HSD17B4: variants seen among roughly 807,000 people sequenced by gnomAD.
The protein encoded by HSD17B4 is peroxisomal multifunctional enzyme type 2.
In HSD17B4, 70 loss-of-function variants were observed where a neutral mutation model predicts 101.0. The observed-to-expected ratio is 0.69, with a 90% CI of 0.57 to 0.85. The LOEUF is 0.85. Among genes scored for constraint, HSD17B4 ranks in the 40% least tolerant of loss-of-function variants. The pLI, the probability that HSD17B4 is intolerant of heterozygous loss-of-function variation, is 0.00. For missense variants in HSD17B4, 984 were observed against 892.4 expected (o/e 1.10, Z -1.31); for synonymous variants, 347 against 297.1 (o/e 1.17, Z -1.73).
intron 17 of HSD17B4, among the ~76,000 whole-genome samples, chr5:119,520,907 C>G (rs1051269549): frequency 1.8e-4 from 28 of 152,110 alleles, no homozygotes; most frequent in African/African-American, 6.8e-4. Flanking sequence ...ACTTTTTCCC[C>G]TCTTATTGTT....
intron 12 of HSD17B4, among the ~76,000 whole-genome samples, chr5:119,497,992 G>C (rs1750803983): frequency 6.6e-6 from 1 of 152,028 alleles, no homozygotes; most frequent in Non-Finnish European, 1.5e-5. Flanking sequence ...TTGTATTTTA[G>C]AACTATTTCA....
chr5:119,458,095 A>G (rs1255820114), intron 2 of HSD17B4, among the ~76,000 whole-genome samples: 2 of 152,234 alleles, frequency 1.3e-5, no homozygotes, highest in Non-Finnish European at 2.9e-5. Context: ...TTGTCATTGC[A>G]TTATTATAGT....
intron 2 of HSD17B4, among the ~76,000 whole-genome samples, chr5:119,466,265 T>A (rs1561433546): frequency 6.6e-6 from 1 of 152,210 alleles, no homozygotes; most frequent in South Asian, 2.1e-4. Flanking sequence ...CAGTTTTCTT[T>A]TTTTTGTTGT....
intron 17 of HSD17B4, among the ~76,000 whole-genome samples, chr5:119,518,397 T>C (rs9327103): frequency 0.18 from 27,838 of 151,974 alleles, 3,909 homozygotes; most frequent in East Asian, 0.42. Context: ...TAACACTCAC[T>C]GTGAGGGTCC....
intron 23 of HSD17B4, among the ~76,000 whole-genome samples, chr5:119,539,912 C>G (rs532690908): frequency 1.9e-5 from 2 of 105,982 alleles, no homozygotes; most frequent in South Asian, 6.5e-4. Context: ...CAGTGAGACC[C>G]TGTCTCTACC....
chr5:119,498,726 A>G (rs751703957), intron 12 of HSD17B4, among the ~76,000 whole-genome samples: 48 of 152,168 alleles, frequency 3.2e-4, no homozygotes, highest in Non-Finnish European at 6.5e-4. Flanking sequence ...AAATATAAAA[A>G]AAAATTAGCC....
intron 8 of HSD17B4, among the ~76,000 whole-genome samples, chr5:119,487,826 A>T (rs1437410603): frequency 1.3e-5 from 2 of 152,144 alleles, no homozygotes; most frequent in African/African-American, 4.8e-5. Flanking sequence ...TATTGAGATG[A>T]ATGGATATTT....
In HSD17B4 at chr5:119,493,885, C is replaced by G. The variant is rs1750349863; in HGVS notation, c.807C>G (p.Val269=). The G allele has an allele frequency of 4.3e-6, 7 of 1,613,192 alleles. No individual in the cohort carries two copies. The highest frequency in any genetic ancestry group is 5.9e-6 in the Non-Finnish European group (7 of 1,179,388). ...QKNHPMTPEA[V]KANWKKICDF... The stretch of plus-strand genomic sequence containing the variant: ...ATCACCCAATGACTCCTGAGGCAGT[C>G]AAGGCTAACTGGAAGAAGATCTGTG... Residue 269 remains valine (V), a synonymous_variant, in exon 11 of 24, where the codon GTC becomes GTG. Transcript: ENST00000510025.
chr5:119,507,363 T>G (rs1751750176), intron 15 of HSD17B4, among the ~76,000 whole-genome samples: 1 of 152,238 alleles, frequency 6.6e-6, no homozygotes, highest in Non-Finnish European at 1.5e-5. Context: ...TTTCTAGACT[T>G]GAACTTATGA....
At chr5:119,480,535 A>G (rs1749023898) in intron 8 of HSD17B4, among the ~76,000 whole-genome samples, 1 of 152,212 alleles carries the variant, frequency 6.6e-6, no homozygotes, top group African/African-American at 2.4e-5. Flanking sequence ...AGTACTTAAC[A>G]GGGTAATAGA....
chr5:119,504,447 T>G (rs1007342648), intron 14 of HSD17B4, among the ~76,000 whole-genome samples: 2 of 152,090 alleles, frequency 1.3e-5, no homozygotes, highest in African/African-American at 4.8e-5. Flanking sequence ...GCATCTGTTA[T>G]TTTTTTGACT....
chr5:119,478,862 A>T lies in HSD17B4; in HGVS notation c.463A>T (p.Ile155Leu). ...RIIMTSSASG[I>L]YGNFGQANYS... ...TATTATGACTTCATCAGCTTCAGGA[A>T]TATATGGCAACTTTGGCCAGGCCAA... Residue 155 changes from isoleucine to leucine, a missense_variant, in exon 8 of 24, where the codon ATA (isoleucine) becomes TTA (leucine). Ile to Leu is a conservative substitution (Grantham distance 5). Transcript: ENST00000510025. The T allele has an allele frequency of 6.2e-7, 1 of 1,613,542 alleles. No homozygotes were observed. The highest frequency in any genetic ancestry group is 2.2e-5 in the East Asian group (1 of 44,868).
chr5:119,511,032 G>A lies in HSD17B4; in HGVS notation c.1437+1788G>A, dbSNP rs1259365736. On this transcript the variant is annotated intron_variant, in intron 16 of 23. Coordinates refer to ENST00000510025, the MANE Select transcript of HSD17B4 (RefSeq NM_000414.4). ...TTGCACTTGCCCTAGCTTTCCCGTA[G>A]CGTGGAGGTTCCGTGGTTGGAGAGT... Among the ~76,000 whole-genome samples, 59 of 152,292 alleles carry A rather than the reference G, an allele frequency of 3.9e-4. 1 individual carries two copies. Among genetic ancestry groups the A allele is most frequent in the Non-Finnish European group, 4.4e-5 (3 of 68,024 alleles).
intron 2 of HSD17B4, among the ~76,000 whole-genome samples, chr5:119,470,664 C>T (rs1329143881): frequency 6.6e-6 from 1 of 152,194 alleles, no homozygotes; most frequent in Non-Finnish European, 1.5e-5. Context: ...TGCAGAGTTT[C>T]TGTGCCTCAG....
Position 119,540,182 on chromosome 5 carries a change from G to T in HSD17B4, c.2122-1723G>T, listed in dbSNP as rs568279626. Among the ~76,000 whole-genome samples, 90 of 152,158 alleles carry T rather than the reference G, an allele frequency of 5.9e-4. 1 individual carries two copies. In the South Asian group the frequency reaches 0.018, roughly 31 times the overall value. ...TTATAGTCTTACTACTTTTTGCATG[G>T]CACTCCTAGGCCAAACCATATACCT... On this transcript the variant is annotated intron_variant, in intron 23 of 23. Transcript: ENST00000510025.
chr5:119,501,372 C>G (rs548601511), intron 13 of HSD17B4, among the ~76,000 whole-genome samples: 13 of 150,262 alleles, frequency 8.7e-5, no homozygotes, highest in Non-Finnish European at 1.8e-4. Flanking sequence ...AACTGGCCCT[C>G]TGCAGTGAAA....
At chr5:119,461,400 C>T (rs192861752) in intron 2 of HSD17B4, among the ~76,000 whole-genome samples, 55 of 152,206 alleles carry the variant, frequency 3.6e-4, no homozygotes, top group African/African-American at 1.3e-3. Flanking sequence ...AAATTATAAT[C>T]ATGTAATTGT....
At chr5:119,500,229 A>T (rs1751032882) in intron 13 of HSD17B4, among the ~76,000 whole-genome samples, 1 of 151,966 alleles carries the variant, frequency 6.6e-6, no homozygotes, top group Non-Finnish European at 1.5e-5. Flanking sequence ...TCCAAGTAAA[A>T]GTGCTGCATA....
chr5:119,505,867 G>A (rs1389129526), intron 14 of HSD17B4, among the ~76,000 whole-genome samples: 1 of 151,834 alleles, frequency 6.6e-6, no homozygotes, highest in Non-Finnish European at 1.5e-5. Context: ...GAATAACAGG[G>A]TCAAAAGACA....
Sources: gnomAD v4.1 joint callset for allele counts (sites outside exome capture counted in the v4.1 genomes callset) on GRCh38, gnomAD v4.1.1 for gene constraint, MANE v1.5 for transcripts, NCBI Gene and HGNC (gene_info 2026-07-23, HGNC 2026-07-21) for gene names.